Variants in PXMP4 observed in about 807,000 individuals in gnomAD.
PXMP4 encodes peroxisomal membrane protein 4.
PXMP4 carries 16 observed loss-of-function variants against 21.6 expected under a neutral mutation model. The observed-to-expected ratio is 0.74, with a 90% CI of 0.50 to 1.13. The LOEUF (loss-of-function observed/expected upper bound fraction) is 1.13, where lower values mean the gene tolerates loss of function less well. PXMP4 is among the 50% of genes most tolerant of loss of function. The probability of loss-of-function intolerance (pLI) is 0.00; values close to 1 mark genes in which losing one functional copy is unlikely to be tolerated. For missense variants in PXMP4, 240 were observed against 277.7 expected (o/e 0.86, Z 0.96); for synonymous variants, 127 against 123.8 (o/e 1.03, Z -0.17).
intron 2 of PXMP4, among the ~76,000 whole-genome samples, chr20:33,713,671 C>T (rs149459607): frequency 6.6e-6 from 1 of 152,108 alleles, no homozygotes; most frequent in East Asian, 1.9e-4. Context: ...GCTGAATGAA[C>T]ACATGAGTTC....
chr20:33,710,771 C>G lies in PXMP4; in HGVS notation c.177-18G>C. 1.9e-6 allele frequency: 3 copies of G among 1,577,248 alleles called. No homozygotes were observed. The highest frequency in any genetic ancestry group is 2.6e-6 in the Non-Finnish European group (3 of 1,158,984). On this transcript the variant is annotated intron_variant, in intron 2 of 3. Coordinates refer to ENST00000409299, the MANE Select transcript of PXMP4 (RefSeq NM_007238.5). ...CCTGGAGGCTGCACAAACACAGGTGCCCCTGCCATGAGTGCAGGCTCAGCA... is the reference window on the plus strand; with the variant it reads ...CCTGGAGGCTGCACAAACACAGGTGGCCCTGCCATGAGTGCAGGCTCAGCA...
At chr20:33,709,208 T>C (rs1429504833) in intron 3 of PXMP4, among the ~76,000 whole-genome samples, 1 of 152,068 alleles carries the variant, frequency 6.6e-6, no homozygotes, top group African/African-American at 2.4e-5. Context: ...ATAGGAGAAA[T>C]GCTTGAACCT....
intron 1 of PXMP4, among the ~76,000 whole-genome samples, chr20:33,717,831 C>T (rs1189428705): frequency 6.6e-6 from 1 of 151,808 alleles, no homozygotes; most frequent in Non-Finnish European, 1.5e-5. Flanking sequence ...AGTAGAAAGA[C>T]AGTGGTATTT....
At position 33,707,633 on chromosome 20, in the gene PXMP4, A is replaced by G; in HGVS notation, c.*73T>C. The G allele has an allele frequency of 2.6e-6, 4 of 1,543,784 alleles. No homozygotes were observed. Among genetic ancestry groups the G allele is most frequent in the Non-Finnish European group, 3.5e-6 (4 of 1,134,044 alleles). ...TTGGAGTCTGAGGCCTATGATCTTGAGAAGGCAGTATCCTTTGGGAGGGTC... is the reference window on the plus strand; with the variant it reads ...TTGGAGTCTGAGGCCTATGATCTTGGGAAGGCAGTATCCTTTGGGAGGGTC... On this transcript the variant is annotated 3_prime_UTR_variant, in exon 4 of 4. Transcript: ENST00000409299.
intron 1 of PXMP4, among the ~76,000 whole-genome samples, chr20:33,715,742 AAGG>A (rs1338720970): frequency 6.7e-6 from 1 of 149,786 alleles, no homozygotes; most frequent in Non-Finnish European, 1.5e-5. Context: ...ATTTTGATGG[AAGG>A]AGATGGTACA....
chr20:33,713,321 C>T (rs140394702), intron 2 of PXMP4, among the ~76,000 whole-genome samples: 137 of 152,160 alleles, frequency 9.0e-4, no homozygotes, highest in African/African-American at 3.1e-3. Flanking sequence ...TGGCTATGCC[C>T]GTGGCCTGGA....
chr20:33,720,108 G>A lies in PXMP4; in HGVS notation c.100C>T (p.Arg34Trp), dbSNP rs1400746243. Residue 34 changes from arginine to tryptophan, a missense_variant, in exon 1 of 4, where the codon CGG becomes TGG. Transcript: ENST00000409299. ...HAALAVLKGF[R>W]NGAVYGAKIR... is the part of the protein sequence containing the mutation. Reference sequence around the variant, plus strand: ...GGCCCCACTCACACAGCCCCGTTCCGGAAGCCCTTAAGCACGGCCAACGCA... The same window carrying A: ...GGCCCCACTCACACAGCCCCGTTCCAGAAGCCCTTAAGCACGGCCAACGCA... 6.2e-7 allele frequency: 1 copy of A among 1,613,636 alleles called. No homozygotes were observed. The highest frequency in any genetic ancestry group is 1.3e-5 in the African/African-American group (1 of 75,070).
At chr20:33,719,950 T>C in intron 1 of PXMP4, 145 bp downstream of exon 1, 3 of 739,142 alleles carry the variant, frequency 4.1e-6, no homozygotes, top group South Asian at 1.8e-5. Context: ...CAGCTCCCAT[T>C]GCACAGATGG....
chr20:33,717,594 C>T (rs73622537), intron 1 of PXMP4, among the ~76,000 whole-genome samples: 1 of 138,526 alleles, frequency 7.2e-6, no homozygotes, highest in Non-Finnish European at 1.5e-5. Flanking sequence ...GAGCCGAGAT[C>T]GCGCCACTGC....
In PXMP4 at chr20:33,706,251, A is replaced by G. The variant is rs2018255808; in HGVS notation, c.*1455T>C. The G allele has an allele frequency of 6.6e-6, 1 of 151,796 alleles. No homozygotes were observed. The highest frequency in any genetic ancestry group is 2.4e-5 in the African/African-American group (1 of 41,332). 9.4% of individuals were successfully genotyped at this position (151,796 alleles called of 1,614,324 possible). On this transcript the variant is annotated 3_prime_UTR_variant, in exon 4 of 4. Transcript: ENST00000409299. Reference sequence around the variant, plus strand: ...TGACCCTCAGTTTCTACATCTGTAAAATGGGGACGAAAACACACATTTGCA... The same window carrying G: ...TGACCCTCAGTTTCTACATCTGTAAGATGGGGACGAAAACACACATTTGCA...
intron 1 of PXMP4, among the ~76,000 whole-genome samples, chr20:33,717,608 C>T (rs1222750166): frequency 1.5e-5 from 2 of 130,846 alleles, no homozygotes; most frequent in Non-Finnish European, 3.0e-5. Context: ...CCACTGCACT[C>T]CAGCCTGGGC....
chr20:33,708,082 G>A, intron 3 of PXMP4, 113 bp from the exon 4 acceptor site: 2 of 1,251,274 alleles, frequency 1.6e-6, no homozygotes, highest in Non-Finnish European at 2.2e-6. Context: ...GCCTGGCTAG[G>A]GGTTTATTTA....
chr20:33,711,490 CAA>C (rs558240861), intron 2 of PXMP4, among the ~76,000 whole-genome samples: 52 of 152,158 alleles, frequency 3.4e-4, no homozygotes, highest in Middle Eastern at 3.4e-3. Context: ...GGGTGCAGGG[CAA>C]AGACAGTGGG....
chr20:33,707,519 G>T lies in PXMP4; in HGVS notation c.*187C>A. The stretch of plus-strand genomic sequence containing the variant: ...AGCCGTAGATTCCTCAGCCTGATTC[G>T]GCCACTTGTGCCACCATACAAAGGT... On this transcript the variant is annotated 3_prime_UTR_variant, in exon 4 of 4. Transcript: ENST00000409299. 1 of 833,792 alleles carries T rather than the reference G, an allele frequency of 1.2e-6. No individual in the cohort carries two copies. Among genetic ancestry groups the T allele is most frequent in the Non-Finnish European group, 1.8e-6 (1 of 557,270 alleles). 51.6% of individuals were successfully genotyped at this position (833,792 alleles called of 1,614,324 possible). A position where few individuals can be genotyped will look rare whatever the true frequency, so the allele number is the denominator to read the frequency against.
At chr20:33,717,415 C>T (rs1040011403) in intron 1 of PXMP4, among the ~76,000 whole-genome samples, 28 of 151,166 alleles carry the variant, frequency 1.9e-4, no homozygotes, top group African/African-American at 5.8e-4. Flanking sequence ...CCGAGGCGGG[C>T]GGATCACGAG....
rs750627574 is a variant in PXMP4 at position 33,707,793 on chromosome 20, G to A, written c.552C>T (p.Ser184=). The stretch of plus-strand genomic sequence containing the variant: ...TGTCCTCATAGAGGTAGGTCATGGA[G>A]GACTGCAGCGAGGGCTGCAGGGTGG... ...HRSTLQPSLQ[S]SMTYLYEDSN... Residue 184 remains serine, a synonymous_variant, in exon 4 of 4, where the codon TCC becomes TCT. Transcript: ENST00000409299. The A allele has an allele frequency of 3.7e-6, 6 of 1,614,190 alleles. No homozygotes were observed. Among genetic ancestry groups the A allele is most frequent in the Non-Finnish European group, 5.1e-6 (6 of 1,180,038 alleles).
intron 1 of PXMP4, among the ~76,000 whole-genome samples, chr20:33,718,098 G>T (rs151013625): frequency 2.0e-5 from 3 of 152,028 alleles, no homozygotes; most frequent in Admixed American, 6.6e-5. Context: ...AGGCTACAAG[G>T]TCTAAAAATC....
intron 1 of PXMP4, among the ~76,000 whole-genome samples, chr20:33,717,660 T>TAAAAA (rs2018398410): frequency 4.6e-4 from 50 of 108,968 alleles, no homozygotes; most frequent in African/African-American, 1.9e-3. Context: ...AAAAAAAAAT[T>TAAAAA]ATTAAATATT....
intron 3 of PXMP4, among the ~76,000 whole-genome samples, chr20:33,708,222 G>A (rs2018285322): frequency 6.7e-6 from 1 of 148,666 alleles, no homozygotes; most frequent in Non-Finnish European, 1.5e-5. Context: ...TGGCTCTGTC[G>A]GCTAGGCTAG....
Sources: allele counts gnomAD v4.1 joint callset (sites outside exome capture counted in the v4.1 genomes callset), GRCh38; gene constraint gnomAD v4.1.1; transcripts MANE v1.5; gene names NCBI Gene and HGNC (gene_info 2026-07-23, HGNC 2026-07-21).